Variants in SH3TC2 observed in about 807,000 individuals in gnomAD.
SH3TC2 encodes SH3 domain and tetratricopeptide repeats 2, also known as SH3 domain and tetratricopeptide repeat-containing protein 2.
SH3TC2 carries 87 observed loss-of-function variants against 124.5 expected under a neutral mutation model. That is an observed-to-expected ratio of 0.70 (90% CI 0.59 to 0.84). SH3TC2 has a LOEUF of 0.84. SH3TC2 is among the 40% of genes least tolerant of loss of function. SH3TC2 has a pLI of 0.00. For missense variants in SH3TC2, 1,536 were observed against 1,566.4 expected (o/e 0.98, Z 0.33); for synonymous variants, 634 against 628.5 (o/e 1.01, Z -0.13).
chr5:149,041,258 T>A (rs1449302464), intron 6 of SH3TC2, among the ~76,000 whole-genome samples, 158 bp downstream of exon 6: 1 of 152,242 alleles, frequency 6.6e-6, no homozygotes, highest in South Asian at 2.1e-4. Flanking sequence ...TCTTGGTTGT[T>A]AAAAAAGAAA....
chr5:149,026,690 C>A lies in SH3TC2; in HGVS notation c.2935G>T (p.Ala979Ser), dbSNP rs369258246. Residue 979 changes from alanine to serine, a missense_variant, in exon 12 of 17, where the codon GCA becomes TCA. Coordinates refer to ENST00000515425, the MANE Select transcript of SH3TC2 (RefSeq NM_024577.4). ...FYSSVSPNPE[A>S]CITYHEHWLA... ...CAGTGCTCATGGTAGGTGATGCATG[C>A]CTCAGGGTTTGGGGACACAGAGCTG... 11 of 1,614,136 alleles carry A rather than the reference C, an allele frequency of 6.8e-6. No homozygotes were observed. The African/African-American group carries it at 1.1e-4, about 16-fold the overall frequency.
chr5:149,004,992 T>TTTTGTTTGTTTG, intron 16 of SH3TC2, 90 bp from the exon 17 acceptor site: 1 of 1,407,278 alleles, frequency 7.1e-7, no homozygotes, highest in Non-Finnish European at 9.9e-7. Flanking sequence ...CTCTAGTTTT[T>TTTTGTTTGTTTG]TTTGTTTGTT....
chr5:149,052,550 G>A (rs1754576755), intron 1 of SH3TC2, among the ~76,000 whole-genome samples: 1 of 152,178 alleles, frequency 6.6e-6, no homozygotes, highest in Admixed American at 6.5e-5. Flanking sequence ...AGCCTACACA[G>A]GTCATCACAG....
At chr5:149,013,853 C>T (rs1020120207) in intron 12 of SH3TC2, among the ~76,000 whole-genome samples, 2 of 152,198 alleles carry the variant, frequency 1.3e-5, no homozygotes, top group South Asian at 2.1e-4. Context: ...GCATTTTAAA[C>T]GTGTACACTG....
At chr5:149,044,900 T>C in intron 3 of SH3TC2, 2 of 388,936 alleles carry the variant, frequency 5.1e-6, no homozygotes, top group Admixed American at 3.8e-5. Flanking sequence ...GCTCCAGATA[T>C]AATACTGCTA....
chr5:149,039,492 C>T (rs1033758094), intron 7 of SH3TC2, among the ~76,000 whole-genome samples: 23 of 152,148 alleles, frequency 1.5e-4, no homozygotes, highest in African/African-American at 5.3e-4. Context: ...AGCTACTAGC[C>T]TATTTTTTCT....
In SH3TC2 at chr5:149,042,783, T is replaced by G; in HGVS notation, c.440A>C (p.Asn147Thr). The change falls in exon 5 of 17, where the codon AAC becomes ACC. Residue 147 changes from asparagine to threonine, a missense_variant. Physicochemically the swap from Asn to Thr is moderately conservative, Grantham distance 65. Coordinates refer to ENST00000515425, the MANE Select transcript of SH3TC2 (RefSeq NM_024577.4). ...CTCTGTATCCTCCACCAATATGCAG[T>G]TGAGCCAGTACTTGTGGTCAAAGAG... ...HLLFDHKYWL[N>T]CILVEDTEIQ... 1 of 1,614,172 alleles carries G rather than the reference T, an allele frequency of 6.2e-7. No homozygotes were observed. The highest frequency in any genetic ancestry group is 1.3e-5 in the African/African-American group (1 of 75,048).
chr5:149,042,719 T>C lies in SH3TC2; in HGVS notation c.504A>G (p.Ile168Met). Residue 168 changes from isoleucine (I) to methionine (M), a missense_variant, in exon 5 of 17, where the codon ATA becomes ATG. Physicochemically the swap from Ile to Met is conservative, Grantham distance 10 (BLOSUM62 1). Transcript: ENST00000515425. ...CTTCCTGTATCAGGAGTCCCAGGTA[T>C]ATTGTTTCCAGGTGTTTATCATCTA... The part of the protein sequence containing the change: ...VSVDDKHLET[I>M]YLGLLIQEGH... 1 of 1,614,188 alleles carries C rather than the reference T, an allele frequency of 6.2e-7. No homozygotes were observed. The highest frequency in any genetic ancestry group is 8.5e-7 in the Non-Finnish European group (1 of 1,180,022).
intron 2 of SH3TC2, among the ~76,000 whole-genome samples, chr5:149,049,905 C>G (rs1754528024): frequency 6.6e-6 from 1 of 152,226 alleles, no homozygotes; most frequent in Admixed American, 6.5e-5. Flanking sequence ...CTCACCTCCC[C>G]ACTACCAGCA....
Position 148,983,991 on chromosome 5 carries a change from A to G in SH3TC2, c.*20720T>C, listed in dbSNP as rs1004179437. ...TGAACCAATACATTTTTTTAAAATT[A>G]CTTAAGCCAGTTTGAGTTTCACCTT... On this transcript the variant is annotated 3_prime_UTR_variant, in exon 17 of 17. Transcript: ENST00000515425. 3.9e-5 allele frequency among the ~76,000 whole-genome samples: 6 copies of G among 152,316 alleles called. No homozygotes were observed. The South Asian group carries it at 1.2e-3, about 32-fold the overall frequency.
intron 12 of SH3TC2, among the ~76,000 whole-genome samples, chr5:149,020,109 G>A (rs1753943466): frequency 4.6e-5 from 2 of 43,324 alleles, no homozygotes; most frequent in East Asian, 6.2e-4. Context: ...ACAAGAAAAG[G>A]TCAAACACAC....
chr5:149,003,255 G>C lies in SH3TC2; in HGVS notation c.*1456C>G, dbSNP rs1434375679. 1 of 152,250 alleles carries C rather than the reference G, an allele frequency of 6.6e-6. No individual in the cohort carries two copies. The highest frequency in any genetic ancestry group is 1.5e-5 in the Non-Finnish European group (1 of 68,108). The allele number at this position is 152,250 out of a possible 1,614,324, so 9.4% of individuals were successfully genotyped here. On this transcript the variant is annotated 3_prime_UTR_variant, in exon 17 of 17. Coordinates refer to ENST00000515425, the MANE Select transcript of SH3TC2 (RefSeq NM_024577.4). ...GACTCATTTATTATGAATTGAATAG[G>C]CAAGACTAAGGAGATGTCACTTCTG... is the stretch of plus-strand genomic sequence containing the variant.
At chr5:149,014,423 C>T (rs1753836086) in intron 12 of SH3TC2, among the ~76,000 whole-genome samples, 1 of 152,154 alleles carries the variant, frequency 6.6e-6, no homozygotes, top group Non-Finnish European at 1.5e-5. Context: ...AACGTGGTTA[C>T]CACTTGATTA....
intron 2 of SH3TC2, 125 bp from the exon 3 acceptor site, chr5:149,048,114 C>T: frequency 7.4e-7 from 1 of 1,346,396 alleles, no homozygotes; most frequent in Non-Finnish European, 1.1e-6. Context: ...TCATTAGTTA[C>T]AGATTAGAGT....
Position 149,001,429 on chromosome 5 carries a change from T to A in SH3TC2, c.*3282A>T, listed in dbSNP as rs1219014289. The stretch of plus-strand genomic sequence containing the variant: ...GCCCATATAAGATTTGAGGGAACAA[T>A]TAGAATAAAGAGGGTAACTAGATCA... On this transcript the variant is annotated 3_prime_UTR_variant, in exon 17 of 17. Coordinates refer to ENST00000515425, the MANE Select transcript of SH3TC2 (RefSeq NM_024577.4). 6.6e-6 allele frequency: 1 copy of A among 152,090 alleles called. No individual in the cohort carries two copies. Among genetic ancestry groups the A allele is most frequent in the East Asian group, 1.9e-4 (1 of 5,192 alleles). The allele number at this position is 152,090 out of a possible 1,614,324, so 9.4% of individuals were successfully genotyped here. A position where few individuals can be genotyped will look rare whatever the true frequency, so the allele number is the denominator to read the frequency against.
intron 2 of SH3TC2, among the ~76,000 whole-genome samples, chr5:149,051,362 C>T (rs146864483): frequency 1.7e-3 from 257 of 152,302 alleles, no homozygotes; most frequent in African/African-American, 6.0e-3. Context: ...CAAATATTTA[C>T]GCAGAACCTA....
chr5:148,985,446 T>A lies in SH3TC2; in HGVS notation c.*19265A>T, dbSNP rs1292346299. Among the ~76,000 whole-genome samples the A allele has an allele frequency of 6.6e-6, 1 of 152,196 alleles. No homozygotes were observed. Among genetic ancestry groups the A allele is most frequent in the African/African-American group, 2.4e-5 (1 of 41,456 alleles). ...ATCCTGTAGTTTTTAAAATGCCATA[T>A]GGATTATATACAGTATGTAGCATTT... is the stretch of plus-strand genomic sequence containing the variant. On this transcript the variant is annotated 3_prime_UTR_variant, in exon 17 of 17. Transcript: ENST00000515425.
intron 1 of SH3TC2, among the ~76,000 whole-genome samples, chr5:149,058,711 G>A (rs1321796921): frequency 6.6e-6 from 1 of 152,136 alleles, no homozygotes; most frequent in Non-Finnish European, 1.5e-5. Context: ...CTAGAAGCCA[G>A]CCTGCGCATG....
At chr5:149,054,955 G>T (rs1257034165) in intron 1 of SH3TC2, among the ~76,000 whole-genome samples, 2 of 152,180 alleles carry the variant, frequency 1.3e-5, no homozygotes, top group South Asian at 2.1e-4. Context: ...GCTTTTTAAG[G>T]ATTTGTGAGG....
Sources: allele counts gnomAD v4.1 joint callset (sites outside exome capture counted in the v4.1 genomes callset), GRCh38; gene constraint gnomAD v4.1.1; transcripts MANE v1.5; gene names NCBI Gene and HGNC (gene_info 2026-07-23, HGNC 2026-07-21).